SLC12A6: variants seen among roughly 807,000 people sequenced by gnomAD.
SLC12A6 encodes the protein K-Cl cotransporter 3.
Under a neutral mutation model 135.3 loss-of-function variants are expected in SLC12A6, and 66 were observed. The ratio of observed to expected loss-of-function variants is 0.49; its 90% CI spans 0.40 to 0.60. The LOEUF (loss-of-function observed/expected upper bound fraction) is 0.60, where lower values mean the gene tolerates loss of function less well. Among genes scored for constraint, SLC12A6 ranks in the 20% least tolerant of loss-of-function variants. The pLI is 0.00. For missense variants in SLC12A6, 1,058 were observed against 1,452.3 expected (o/e 0.73, Z 4.41); for synonymous variants, 513 against 508.8 (o/e 1.01, Z -0.11).
intron 2 of SLC12A6, among the ~76,000 whole-genome samples, chr15:34,283,391 C>T (rs7495538): frequency 0.14 from 20,517 of 151,340 alleles, 1,494 homozygotes; most frequent in East Asian, 0.32. Context: ...AAGATAATTT[C>T]AGCTTATGGT....
chr15:34,278,630 A>G (rs146018367), intron 2 of SLC12A6, among the ~76,000 whole-genome samples: 5,945 of 151,708 alleles, frequency 0.039, 213 homozygotes, highest in African/African-American at 0.098. Flanking sequence ...GGAGTGCAGT[A>G]GCGCGATCTC....
Position 34,248,997 on chromosome 15 carries a change from T to C in SLC12A6, c.1649+1301A>G, listed in dbSNP as rs151196534. On this transcript the variant is annotated intron_variant, in intron 13 of 25. Coordinates refer to ENST00000354181, the MANE Select transcript of SLC12A6 (RefSeq NM_001365088.1). ...GAGCTTATGAGGGAATGGCAGGAGA[T>C]AACAGTAAAAAGAGGTAGAGAGGGC... Among the ~76,000 whole-genome samples the C allele has an allele frequency of 5.4e-3, 819 of 152,222 alleles. 12 individuals carry two copies. The highest frequency in any genetic ancestry group is 0.018 in the African/African-American group (764 of 41,540).
At chr15:34,252,844 C>T (rs1327016311) in intron 9 of SLC12A6, among the ~76,000 whole-genome samples, 1 of 152,146 alleles carries the variant, frequency 6.6e-6, no homozygotes, top group African/African-American at 2.4e-5. Context: ...AAAAAGCACT[C>T]CTCTTTTTTT....
Position 34,337,478 on chromosome 15 carries a change from G to C in SLC12A6, c.-219C>G, listed in dbSNP as rs535748389. On this transcript the variant is annotated 5_prime_UTR_variant, in exon 1 of 26. Transcript: ENST00000354181. ...GGAGGTTAGCGGATCAAGACACCTCGGACTGCAGCTCAGAGTCGTGGCAAG... is the reference window on the plus strand; with the variant it reads ...GGAGGTTAGCGGATCAAGACACCTCCGACTGCAGCTCAGAGTCGTGGCAAG... The C allele has an allele frequency of 6.6e-6, 1 of 152,658 alleles. No homozygotes were observed. The highest frequency in any genetic ancestry group is 2.4e-5 in the African/African-American group (1 of 41,538). 9.5% of individuals were successfully genotyped at this position (152,658 alleles called of 1,614,324 possible).
intron 3 of SLC12A6, among the ~76,000 whole-genome samples, chr15:34,261,306 CT>C (rs565428661): frequency 7.4e-5 from 11 of 148,938 alleles, no homozygotes; most frequent in African/African-American, 1.2e-4. Context: ...CATGAAGACT[CT>C]TTTTTTTTTG....
chr15:34,263,302 C>G (rs546131499), intron 3 of SLC12A6, among the ~76,000 whole-genome samples: 5 of 152,142 alleles, frequency 3.3e-5, no homozygotes, highest in Non-Finnish European at 7.4e-5. Context: ...GCTTATAGTT[C>G]TAGCTATTCA....
At chr15:34,333,218 T>G (rs1889971695) in intron 2 of SLC12A6, among the ~76,000 whole-genome samples, 1 of 151,080 alleles carries the variant, frequency 6.6e-6, no homozygotes, top group African/African-American at 2.4e-5. Flanking sequence ...TCCACTCTAT[T>G]TTTTTTTCTT....
chr15:34,233,532 C>A lies in SLC12A6; in HGVS notation c.*349G>T. ...TGAGATTCATCTTTAATGCTGAATA[C>A]GTACTTGACTTGCTTTTTTTCTTCA... On this transcript the variant is annotated 3_prime_UTR_variant, in exon 26 of 26. Transcript: ENST00000354181. 3.6e-6 allele frequency: 1 copy of A among 280,134 alleles called. No individual in the cohort carries two copies. The highest frequency in any genetic ancestry group is 7.0e-6 in the Non-Finnish European group (1 of 141,854). The allele number at this position is 280,134 out of a possible 1,614,324, so 17.4% of individuals were successfully genotyped here. A position where few individuals can be genotyped will look rare whatever the true frequency, so the allele number is the denominator to read the frequency against.
intron 2 of SLC12A6, among the ~76,000 whole-genome samples, chr15:34,332,660 G>A (rs1889928512): frequency 6.6e-6 from 1 of 152,094 alleles, no homozygotes; most frequent in Non-Finnish European, 1.5e-5. Context: ...GCAGATGCCT[G>A]TAATCCCAGC....
intron 2 of SLC12A6, among the ~76,000 whole-genome samples, chr15:34,280,456 G>C (rs1189083671): frequency 6.6e-6 from 1 of 152,106 alleles, no homozygotes; most frequent in East Asian, 1.9e-4. Flanking sequence ...AACACGTAAG[G>C]CATTTCTAAC....
chr15:34,301,863 A>G (rs1896282292), intron 2 of SLC12A6, among the ~76,000 whole-genome samples: 1 of 152,244 alleles, frequency 6.6e-6, no homozygotes. Flanking sequence ...ACATATGCTA[A>G]GAATAAGTAT....
intron 1 of SLC12A6, 109 bp downstream of exon 1, chr15:34,337,223 G>C (rs1319929580): frequency 3.3e-5 from 6 of 181,026 alleles, no homozygotes; most frequent in Non-Finnish European, 3.6e-5. Flanking sequence ...ATACCCCACA[G>C]GTCTGGCTGG....
At chr15:34,288,707 G>T (rs1002853478) in intron 2 of SLC12A6, among the ~76,000 whole-genome samples, 1 of 152,174 alleles carries the variant, frequency 6.6e-6, no homozygotes, top group Admixed American at 6.5e-5. Context: ...CACATCCCTT[G>T]TAAGTTGGAT....
intron 9 of SLC12A6, 114 bp downstream of exon 9, chr15:34,254,234 G>C: frequency 8.8e-7 from 1 of 1,141,760 alleles, no homozygotes; most frequent in Non-Finnish European, 1.3e-6. Flanking sequence ...GGGCTTATCT[G>C]AGAGGGAAAA....
chr15:34,241,122 C>A (rs1891613298), intron 18 of SLC12A6, 111 bp downstream of exon 18: 1 of 730,020 alleles, frequency 1.4e-6, no homozygotes, highest in Non-Finnish European at 2.5e-6. Context: ...AAAACAGGTC[C>A]ATTATACCAA....
intron 3 of SLC12A6, 99 bp from the exon 4 acceptor site, chr15:34,261,119 C>G (rs1893094547): frequency 6.8e-6 from 5 of 739,084 alleles, no homozygotes; most frequent in Admixed American, 1.9e-5. Context: ...TTAATATAAC[C>G]CATTTTCATA....
At chr15:34,283,196 A>T (rs1894802456) in intron 2 of SLC12A6, among the ~76,000 whole-genome samples, 2 of 152,102 alleles carry the variant, frequency 1.3e-5, no homozygotes, top group Admixed American at 6.6e-5. Context: ...TACAAAAATC[A>T]GCCAGGCATG....
At chr15:34,293,121 G>C (rs951321157) in intron 2 of SLC12A6, among the ~76,000 whole-genome samples, 7 of 152,160 alleles carry the variant, frequency 4.6e-5, no homozygotes, top group Non-Finnish European at 1.0e-4. Flanking sequence ...CTGTAGACCA[G>C]AGCTGTTCCT....
chr15:34,291,251 G>C (rs921652029), intron 2 of SLC12A6, among the ~76,000 whole-genome samples: 4 of 152,126 alleles, frequency 2.6e-5, no homozygotes, highest in African/African-American at 9.7e-5. Context: ...AGCTTAGTTT[G>C]GCTGGATATG....
Sources: allele counts gnomAD v4.1 joint callset (sites outside exome capture counted in the v4.1 genomes callset), GRCh38; gene constraint gnomAD v4.1.1; transcripts MANE v1.5; gene names NCBI Gene and HGNC (gene_info 2026-07-23, HGNC 2026-07-21).